The following TPR variants were observed in gnomAD, a reference collection of about 807,000 sequenced individuals.
TPR encodes translocated promoter region, nuclear basket protein.
A neutral mutation model predicts 316.1 loss-of-function variants in TPR; 51 were observed. The ratio of observed to expected loss-of-function variants is 0.16; its 90% CI spans 0.13 to 0.20. The LOEUF (loss-of-function observed/expected upper bound fraction) is 0.20. TPR is among the 10% of genes least tolerant of loss of function. The pLI is 1.00. For synonymous variants in TPR, 981 were observed against 914.7 expected (o/e 1.07, Z -1.31); for missense variants, 2,272 against 2,754.8 (o/e 0.82, Z 3.92).
At chr1:186,342,771 G>GC (rs765278728) in intron 27 of TPR, 1 of 152,196 alleles carries the variant, frequency 6.6e-6, no homozygotes, top group Non-Finnish European at 1.5e-5. Flanking sequence ...GGGTGGTAGT[G>GC]TGGGGTAAGG....
intron 38 of TPR, 39 bp downstream of exon 38, chr1:186,332,156 C>T (rs1402385759): frequency 7.0e-6 from 11 of 1,578,210 alleles, no homozygotes; most frequent in Non-Finnish European, 9.5e-6. Flanking sequence ...CTTAACTCTA[C>T]TGGTAAAAGT....
rs1232628366 is a variant in TPR at position 186,367,926 on chromosome 1, T to C, written c.387A>G (p.Arg129=). The change falls in exon 4 of 51, where the codon AGA becomes AGG. Residue 129 remains arginine (R), a synonymous_variant. Coordinates refer to ENST00000367478, the MANE Select transcript of TPR (RefSeq NM_003292.3). The part of the protein sequence containing the change: ...ELEAEKRDLI[R]TNERLSQELE... The stretch of plus-strand genomic sequence containing the variant: ...GTTCTTGAGATAGTCTCTCATTGGT[T>C]CTAATTAAGTCTCTTTTCTCAGCTT... The C allele has an allele frequency of 1.2e-6, 2 of 1,611,556 alleles. No homozygotes were observed. The highest frequency in any genetic ancestry group is 8.5e-7 in the Non-Finnish European group (1 of 1,179,540).
Position 186,312,746 on chromosome 1 carries a change from T to G in TPR, c.*1225A>C. ...TACATTGCCTTTTAATCTGGTATCT[T>G]TTATTAAACATGCCACTTACAGGTG... On this transcript the variant is annotated 3_prime_UTR_variant, in exon 51 of 51. Coordinates refer to ENST00000367478, the MANE Select transcript of TPR (RefSeq NM_003292.3). The G allele has an allele frequency of 6.2e-7, 1 of 1,610,556 alleles. No homozygotes were observed. Among genetic ancestry groups the G allele is most frequent in the Non-Finnish European group, 8.5e-7 (1 of 1,176,868 alleles).
Position 186,311,683 on chromosome 1 carries a change from G to A in TPR, c.*2288C>T. 4 of 1,363,502 alleles carry A rather than the reference G, an allele frequency of 2.9e-6. No individual in the cohort carries two copies. The South Asian group carries it at 4.8e-5, about 16-fold the overall frequency. 84.5% of individuals were successfully genotyped at this position (1,363,502 alleles called of 1,614,324 possible). On this transcript the variant is annotated 3_prime_UTR_variant, in exon 51 of 51. Transcript: ENST00000367478. ...TTTATTATTGACTTTACTGTCAAAAGATATCTTTAATGGCTGAAATCAAAT... is the reference window on the plus strand; with the variant it reads ...TTTATTATTGACTTTACTGTCAAAAAATATCTTTAATGGCTGAAATCAAAT...
At position 186,319,271 on chromosome 1, in the gene TPR, G is replaced by A. The variant is rs777684916; in HGVS notation, c.6569-443C>T. ...CCCAAAGTTCTGGGATTACAAGTGT[G>A]AGCCACTGCACCTGGCCTCAAAATT... is the stretch of plus-strand genomic sequence containing the variant. On this transcript the variant is annotated intron_variant, in intron 46 of 50. Transcript: ENST00000367478. 1.6e-3 allele frequency among the ~76,000 whole-genome samples: 249 copies of A among 152,298 alleles called. 1 individual carries two copies. The highest frequency in any genetic ancestry group is 3.4e-3 in the Middle Eastern group (1 of 294).
intron 13 of TPR, among the ~76,000 whole-genome samples, chr1:186,357,824 G>A (rs1204174167): frequency 6.6e-6 from 1 of 152,134 alleles, no homozygotes; most frequent in Non-Finnish European, 1.5e-5. Context: ...TTTTAAGTAT[G>A]TATTGAAGGC....
chr1:186,346,513 T>C (rs1658680994), intron 22 of TPR, among the ~76,000 whole-genome samples: 2 of 152,206 alleles, frequency 1.3e-5, no homozygotes, highest in African/African-American at 4.8e-5. Flanking sequence ...TTTTTCTCTT[T>C]TGAAATGAAA....
chr1:186,316,590 A>T (rs1350061744), intron 49 of TPR, among the ~76,000 whole-genome samples: 1 of 152,210 alleles, frequency 6.6e-6, no homozygotes, highest in Non-Finnish European at 1.5e-5. Context: ...CTTAATAGTA[A>T]AGGTAATTCT....
intron 21 of TPR, among the ~76,000 whole-genome samples, chr1:186,348,673 C>A (rs1489254922): frequency 1.3e-5 from 2 of 152,072 alleles, no homozygotes; most frequent in Non-Finnish European, 2.9e-5. Flanking sequence ...CCCTGGCAGC[C>A]CAGCTGTAAA....
rs779768066 is a variant in TPR at position 186,322,407 on chromosome 1, C to T, written c.6372G>A (p.Gln2124=). The T allele has an allele frequency of 1.2e-6, 2 of 1,612,866 alleles. No individual in the cohort carries two copies. The highest frequency in any genetic ancestry group is 2.2e-5 in the South Asian group (2 of 90,912). The change falls in exon 45 of 51, where the codon CAG becomes CAA. Residue 2124 remains glutamine (Q), a synonymous_variant. Coordinates refer to ENST00000367478, the MANE Select transcript of TPR (RefSeq NM_003292.3). ...TTCTGTCTTCATCATCAAAAAAATG[C>T]TGTTGCTAAAACAAAGAAAACAGAG... ...QLTPGIGGMQ[Q]HFFDDEDRTV...
At position 186,312,179 on chromosome 1, in the gene TPR, C is replaced by T; in HGVS notation, c.*1792G>A. On this transcript the variant is annotated 3_prime_UTR_variant, in exon 51 of 51. Transcript: ENST00000367478. ...TGATATTCTAATACATAACAGGTGG[C>T]AGCATTCAGCAGTATATTTATAAAC... 6.2e-7 allele frequency: 1 copy of T among 1,613,340 alleles called. No homozygotes were observed. Among genetic ancestry groups the T allele is most frequent in the African/African-American group, 1.3e-5 (1 of 74,958 alleles).
chr1:186,334,310 T>C lies in TPR; in HGVS notation c.5182+15A>G, dbSNP rs777945178. The C allele has an allele frequency of 6.2e-7, 1 of 1,601,414 alleles. No individual in the cohort carries two copies. Among genetic ancestry groups the C allele is most frequent in the South Asian group, 1.1e-5 (1 of 90,198 alleles). ...TAAATAAGCAGTCTCATCAGATCTG[T>C]ATTATTTTACTAACCTTCCTGTGAT... On this transcript the variant is annotated intron_variant, in intron 36 of 50. Transcript: ENST00000367478.
At chr1:186,323,483 T>C (rs1657828100) in intron 43 of TPR, among the ~76,000 whole-genome samples, 1 of 152,186 alleles carries the variant, frequency 6.6e-6, no homozygotes, top group African/African-American at 2.4e-5. Context: ...TGCACAACTT[T>C]TAGTAACACT....
chr1:186,312,089 T>C lies in TPR; in HGVS notation c.*1882A>G. 1 of 1,120,938 alleles carries C rather than the reference T, an allele frequency of 8.9e-7. No individual in the cohort carries two copies. The highest frequency in any genetic ancestry group is 1.3e-6 in the Non-Finnish European group (1 of 748,858). 69.4% of individuals were successfully genotyped at this position (1,120,938 alleles called of 1,614,324 possible). A position where few individuals can be genotyped will look rare whatever the true frequency, so the allele number is the denominator to read the frequency against. On this transcript the variant is annotated 3_prime_UTR_variant, in exon 51 of 51. Coordinates refer to ENST00000367478, the MANE Select transcript of TPR (RefSeq NM_003292.3). Reference sequence around the variant, plus strand: ...GAAAAATGAGAACAAAACTGTTTCCTATACATTGTAAAAGTTGTTTTCCAC... The same window carrying C: ...GAAAAATGAGAACAAAACTGTTTCCCATACATTGTAAAAGTTGTTTTCCAC...
At chr1:186,341,451 C>A in intron 27 of TPR, 62 bp from the exon 28 acceptor site, 1 of 1,524,432 alleles carries the variant, frequency 6.6e-7, no homozygotes, top group Non-Finnish European at 8.8e-7. Flanking sequence ...CTACCTGTTC[C>A]TATGAGCTCA....
chr1:186,315,113 T>G (rs1657559799), intron 49 of TPR, among the ~76,000 whole-genome samples: 1 of 151,250 alleles, frequency 6.6e-6, no homozygotes, highest in Non-Finnish European at 1.5e-5. Context: ...GAGGCTGCAG[T>G]GAGCCATGAT....
intron 38 of TPR, among the ~76,000 whole-genome samples, chr1:186,331,949 A>G (rs996915325): frequency 6.6e-6 from 1 of 152,142 alleles, no homozygotes; most frequent in African/African-American, 2.4e-5. Flanking sequence ...AATTCAACTT[A>G]TGTTTTTATG....
chr1:186,332,747 C>T (rs1658206444), intron 37 of TPR, among the ~76,000 whole-genome samples: 1 of 152,026 alleles, frequency 6.6e-6, no homozygotes, highest in Non-Finnish European at 1.5e-5. Context: ...ATAGTCTTAT[C>T]TTAGGTGTCT....
Position 186,355,480 on chromosome 1 carries a change from G to T in TPR, c.2101C>A (p.Gln701Lys), listed in dbSNP as rs1453348799. 6.2e-7 allele frequency: 1 copy of T among 1,612,892 alleles called. No individual in the cohort carries two copies. The highest frequency in any genetic ancestry group is 1.7e-5 in the Admixed American group (1 of 59,778). ...KIQNEQLEKLQEQVTDLRSQN... is the reference protein window; with the variant it reads ...KIQNEQLEKLKEQVTDLRSQN... Reference sequence around the variant, plus strand: ...GATCGCAAATCTGTAACTTGTTCTTGAAGTTTCTCAAGCTGCTCATTTTGT... The same window carrying T: ...GATCGCAAATCTGTAACTTGTTCTTTAAGTTTCTCAAGCTGCTCATTTTGT... Residue 701 changes from glutamine to lysine, a missense_variant, in exon 17 of 51, where the codon CAA (glutamine) becomes AAA (lysine). Transcript: ENST00000367478.
Sources: gnomAD v4.1 joint callset for allele counts (sites outside exome capture counted in the v4.1 genomes callset) on GRCh38, gnomAD v4.1.1 for gene constraint, MANE v1.5 for transcripts, NCBI Gene and HGNC (gene_info 2026-07-23, HGNC 2026-07-21) for gene names.